Variants in NAALADL2 observed in about 807,000 individuals in gnomAD.
The protein encoded by NAALADL2 is N-acetylated alpha-linked acidic dipeptidase like 2.
In NAALADL2, 76 loss-of-function variants were observed where a neutral mutation model predicts 87.2. The ratio of observed to expected loss-of-function variants is 0.87; its 90% CI spans 0.72 to 1.05. NAALADL2 has a LOEUF of 1.05. Among genes scored for constraint, NAALADL2 ranks in the 50% least tolerant of loss-of-function variants. NAALADL2 has a pLI of 0.00. For synonymous variants in NAALADL2, 354 were observed against 331.0 expected (o/e 1.07, Z -0.75); for missense variants, 1,089 against 945.8 (o/e 1.15, Z -1.99).
chr3:175,080,247 A>G (rs532195361), intron 1 of NAALADL2, among the ~76,000 whole-genome samples: 1 of 152,352 alleles, frequency 6.6e-6, no homozygotes, highest in African/African-American at 2.4e-5. Context: ...TACAGGCGTG[A>G]GCCACTGTGC....
chr3:175,640,004 T>G (rs1729080702), intron 11 of NAALADL2, among the ~76,000 whole-genome samples: 2 of 152,156 alleles, frequency 1.3e-5, no homozygotes, highest in African/African-American at 4.8e-5. Flanking sequence ...AACTAGAGAT[T>G]GAAGAGAATA....
intron 9 of NAALADL2, among the ~76,000 whole-genome samples, chr3:175,480,239 C>T (rs747922985): frequency 2.6e-5 from 4 of 151,758 alleles, no homozygotes; most frequent in Middle Eastern, 3.4e-3. Flanking sequence ...AAGCCATATA[C>T]GATAAACATT....
intron 2 of NAALADL2, among the ~76,000 whole-genome samples, chr3:174,728,201 G>T (rs2108973481): frequency 6.6e-6 from 1 of 152,068 alleles, no homozygotes; most frequent in South Asian, 2.1e-4. Context: ...TTTTAATGTG[G>T]ACTTAAGTTT....
At chr3:175,240,371 A>G (rs772496659) in intron 3 of NAALADL2, among the ~76,000 whole-genome samples, 25 of 152,200 alleles carry the variant, frequency 1.6e-4, no homozygotes, top group Non-Finnish European at 3.4e-4. Flanking sequence ...ACTGCATGGA[A>G]TCCTTGGATA....
Position 174,859,384 on chromosome 3 carries a change from C to T in NAALADL2, c.-24C>T, listed in dbSNP as rs1171627510. Reference sequence around the variant, plus strand: ...AGTGACACAACTTGAAACTGCTTGGCCCTCTTTAAAAAGAAATAATAAAAT... The same window carrying T: ...AGTGACACAACTTGAAACTGCTTGGTCCTCTTTAAAAAGAAATAATAAAAT... On this transcript the variant is annotated 5_prime_UTR_variant, in exon 1 of 14. Transcript: ENST00000454872. The T allele has an allele frequency of 1.1e-5, 18 of 1,592,968 alleles. No homozygotes were observed. The highest frequency in any genetic ancestry group is 1.5e-5 in the Non-Finnish European group (18 of 1,166,126).
intron 2 of NAALADL2, among the ~76,000 whole-genome samples, chr3:174,721,198 ATAGT>A (rs556237789): frequency 1.2e-4 from 19 of 152,340 alleles, no homozygotes; most frequent in Non-Finnish European, 2.1e-4. Context: ...ATAATAAAGC[ATAGT>A]TAGTGTATTT....
chr3:174,936,328 G>GGT (rs1737678191), intron 1 of NAALADL2, among the ~76,000 whole-genome samples: 1 of 151,920 alleles, frequency 6.6e-6, no homozygotes, highest in Non-Finnish European at 1.5e-5. Context: ...CCTTGAAGAA[G>GGT]AATTATTTCT....
At chr3:175,199,496 T>C (rs13317652) in intron 2 of NAALADL2, among the ~76,000 whole-genome samples, 3,325 of 152,036 alleles carry the variant, frequency 0.022, 107 homozygotes, top group African/African-American at 0.075. Flanking sequence ...ATCCAAGGGA[T>C]GAGACTGTGT....
At chr3:175,764,590 A>G (rs997316530) in intron 13 of NAALADL2, among the ~76,000 whole-genome samples, 1 of 150,702 alleles carries the variant, frequency 6.6e-6, no homozygotes, top group African/African-American at 2.4e-5. Context: ...AGCAATGTAA[A>G]TGTCAAGATG....
intron 5 of NAALADL2, among the ~76,000 whole-genome samples, chr3:175,427,525 A>T (rs978252713): frequency 9.2e-5 from 14 of 152,204 alleles, no homozygotes; most frequent in African/African-American, 3.4e-4. Flanking sequence ...AATTTAGCTA[A>T]GAATATTATA....
At position 175,397,010 on chromosome 3, in the gene NAALADL2, A is replaced by T. The variant is rs530011156; in HGVS notation, c.1091-50219A>T. Among the ~76,000 whole-genome samples the T allele has an allele frequency of 1.4e-4, 22 of 152,118 alleles. No individual in the cohort carries two copies. The South Asian group carries it at 4.4e-3, about 30-fold the overall frequency. Reference sequence around the variant, plus strand: ...ACAGACGAATACACTTGCTTACTGAATTTGAGACCTATTTTACATTTAAAA... The same window carrying T: ...ACAGACGAATACACTTGCTTACTGATTTTGAGACCTATTTTACATTTAAAA... On this transcript the variant is annotated intron_variant, in intron 5 of 13. Transcript: ENST00000454872.
At chr3:174,628,158 CAT>C (rs1392466198) in intron 2 of NAALADL2, among the ~76,000 whole-genome samples, 1 of 152,002 alleles carries the variant, frequency 6.6e-6, no homozygotes, top group Non-Finnish European at 1.5e-5. Context: ...AGATACAAGT[CAT>C]AGAGTGGAAA....
At chr3:175,462,740 G>T (rs10460800) in intron 6 of NAALADL2, among the ~76,000 whole-genome samples, 3,910 of 152,142 alleles carry the variant, frequency 0.026, 79 homozygotes, top group East Asian at 0.1. Flanking sequence ...TTCCTGTTTG[G>T]TGTCTTTGCC....
chr3:175,565,801 G>A (rs1429392959), intron 9 of NAALADL2, among the ~76,000 whole-genome samples: 1 of 136,736 alleles, frequency 7.3e-6, no homozygotes. Context: ...TATTCCCTAT[G>A]TCCAAACAAA....
At chr3:174,965,724 G>A (rs1470341715) in intron 1 of NAALADL2, among the ~76,000 whole-genome samples, 2 of 152,102 alleles carry the variant, frequency 1.3e-5, no homozygotes, top group Non-Finnish European at 2.9e-5. Flanking sequence ...AAATAAAGAA[G>A]CAGTGAATGT....
chr3:175,273,011 TA>T (rs1467508284), intron 4 of NAALADL2, among the ~76,000 whole-genome samples: 1 of 152,140 alleles, frequency 6.6e-6, no homozygotes, highest in African/African-American at 2.4e-5. Context: ...ATCCGATTTA[TA>T]TTTAATCTTG....
intron 4 of NAALADL2, among the ~76,000 whole-genome samples, chr3:175,300,282 A>G (rs550649010): frequency 6.6e-6 from 1 of 152,162 alleles, no homozygotes. Context: ...AGGTTTTCGT[A>G]TCAGGATGAT....
intron 2 of NAALADL2, among the ~76,000 whole-genome samples, chr3:174,731,886 G>A (rs1056222627): frequency 2.0e-5 from 3 of 152,112 alleles, no homozygotes; most frequent in Non-Finnish European, 2.9e-5. Context: ...CTGCTAGTTG[G>A]CAAACTTATT....
intron 2 of NAALADL2, among the ~76,000 whole-genome samples, chr3:175,183,661 C>G (rs139895690): frequency 6.6e-6 from 1 of 152,012 alleles, no homozygotes; most frequent in Non-Finnish European, 1.5e-5. Flanking sequence ...AAACCACCCT[C>G]GGATCCCGGT....
Sources: gnomAD v4.1 joint callset for allele counts (sites outside exome capture counted in the v4.1 genomes callset) on GRCh38, gnomAD v4.1.1 for gene constraint, MANE v1.5 for transcripts, NCBI Gene and HGNC (gene_info 2026-07-23, HGNC 2026-07-21) for gene names.